The following ABCB11 variants were observed in gnomAD, a reference collection of about 807,000 sequenced individuals.
ABCB11 encodes ATP binding cassette subfamily B member 11, also known as bile salt export pump.
ABCB11 carries 95 observed loss-of-function variants against 148.0 expected under a neutral mutation model. The ratio of observed to expected loss-of-function variants is 0.64; its 90% CI spans 0.54 to 0.76. The LOEUF is 0.76. ABCB11 is among the 30% of genes least tolerant of loss of function. The pLI, the probability that ABCB11 is intolerant of heterozygous loss-of-function variation, is 0.00. For missense variants in ABCB11, 1,523 were observed against 1,617.8 expected (o/e 0.94, Z 1.01); for synonymous variants, 591 against 555.4 (o/e 1.06, Z -0.90).
rs1020391662 is a variant in ABCB11 at position 168,954,786 on chromosome 2, G to A, written c.2343+3178C>T. On this transcript the variant is annotated intron_variant, in intron 19 of 27. Coordinates refer to ENST00000650372, the MANE Select transcript of ABCB11 (RefSeq NM_003742.4). Reference sequence around the variant, plus strand: ...CTAACAGTCTTGACAGACTTGGGAGGTTGTTATTGATGATTTTTTAAAATA... The same window carrying A: ...CTAACAGTCTTGACAGACTTGGGAGATTGTTATTGATGATTTTTTAAAATA... Among the ~76,000 whole-genome samples the A allele has an allele frequency of 7.3e-5, 11 of 151,630 alleles. 1 individual carries two copies. Among genetic ancestry groups the A allele is most frequent in the Admixed American group, 7.2e-4 (11 of 15,204 alleles).
downstream of ABCB11, among the ~76,000 whole-genome samples, chr2:168,919,848 G>T (rs781058601): frequency 6.6e-6 from 1 of 151,330 alleles, no homozygotes; most frequent in Non-Finnish European, 1.5e-5. Flanking sequence ...GTGTGTGTGT[G>T]TGTTTTGTTT....
At chr2:168,984,496 C>T (rs546627314) in intron 10 of ABCB11, among the ~76,000 whole-genome samples, 23 of 152,238 alleles carry the variant, frequency 1.5e-4, no homozygotes, top group African/African-American at 5.5e-4. Context: ...CACAAGTGAG[C>T]AATAAAGTAC....
At chr2:168,930,328 G>C (rs1314844036) in intron 25 of ABCB11, among the ~76,000 whole-genome samples, 11 of 151,976 alleles carry the variant, frequency 7.2e-5, no homozygotes, top group Admixed American at 7.2e-4. Context: ...TTCCATTCCT[G>C]GTCATTAGTT....
Position 168,987,580 on chromosome 2 carries a change from C to G in ABCB11, c.909-1296G>C, listed in dbSNP as rs139817787. On this transcript the variant is annotated intron_variant, in intron 9 of 27. Transcript: ENST00000650372. ...AAGTAGCTGGGACTACAGGTGTACA[C>G]CACCATGTCTGGTTAATTTCTGTAT... 9.7e-3 allele frequency among the ~76,000 whole-genome samples: 1,478 copies of G among 152,210 alleles called. 26 individuals are homozygous for G. Among genetic ancestry groups the G allele is most frequent in the African/African-American group, 0.031 (1,308 of 41,544 alleles).
intron 27 of ABCB11, 117 bp from the exon 28 acceptor site, chr2:168,923,939 A>C: frequency 1.1e-6 from 1 of 889,922 alleles, no homozygotes; most frequent in Non-Finnish European, 1.8e-6. Context: ...GGCAAACCCA[A>C]AGGCTCAACA....
chr2:169,006,223 G>A (rs1397484667), intron 5 of ABCB11, among the ~76,000 whole-genome samples: 1 of 152,132 alleles, frequency 6.6e-6, no homozygotes, highest in Non-Finnish European at 1.5e-5. Context: ...TATTCCAGGA[G>A]TGCAAAGGTA....
chr2:168,923,748 G>A lies in ABCB11; in HGVS notation c.3840C>T (p.Ile1280=). 6.2e-7 allele frequency: 1 copy of A among 1,613,808 alleles called. No individual in the cohort carries two copies. Among genetic ancestry groups the A allele is most frequent in the Non-Finnish European group, 8.5e-7 (1 of 1,179,864 alleles). The change falls in exon 28 of 28, where the codon ATC becomes ATT. Residue 1280 remains isoleucine, a synonymous_variant. Transcript: ENST00000650372. ...TGACAGCAATGATATCCGCGTTCTG[G>A]ATGGTGGACAAGCGATGGGCAATGA... ...CIVIAHRLST[I]QNADIIAVMA...
Position 168,922,362 on chromosome 2 carries a change from T to A in ABCB11, c.*1260A>T, listed in dbSNP as rs1396296615. Among the ~76,000 whole-genome samples, 1 of 152,214 alleles carries A rather than the reference T, an allele frequency of 6.6e-6. No homozygotes were observed. The highest frequency in any genetic ancestry group is 1.9e-4 in the East Asian group (1 of 5,182). ...AGAGAGGGAGTATGCAGTTTCTCGC[T>A]GGAACTGGGGAAAGGCAGCCATCCT... On this transcript the variant is annotated 3_prime_UTR_variant, in exon 28 of 28. Coordinates refer to ENST00000650372, the MANE Select transcript of ABCB11 (RefSeq NM_003742.4).
chr2:168,986,110 C>T lies in ABCB11; in HGVS notation c.1083G>A (p.Gln361=). Residue 361 remains glutamine, a splice_region_variant and synonymous_variant, in exon 10 of 28, where the codon CAG becomes CAA. Coordinates refer to ENST00000650372, the MANE Select transcript of ABCB11 (RefSeq NM_003742.4). ...EGEYTPGTLV[Q]IFLSVIVGAL... ...GTCTCGGTCAATAAGTCCAAGGTAC[C>T]TGGACAAGGGTTCCTGGTGTATATT... 6.3e-7 allele frequency: 1 copy of T among 1,596,700 alleles called. No homozygotes were observed. The highest frequency in any genetic ancestry group is 8.5e-7 in the Non-Finnish European group (1 of 1,170,732).
chr2:168,984,623 G>A (rs549474497), intron 10 of ABCB11, among the ~76,000 whole-genome samples: 10 of 152,104 alleles, frequency 6.6e-5, no homozygotes, highest in African/African-American at 2.2e-4. Flanking sequence ...TCAGTTATAC[G>A]AGCTGTTAAT....
chr2:169,023,702 T>C (rs1695604098), intron 1 of ABCB11, among the ~76,000 whole-genome samples: 1 of 152,216 alleles, frequency 6.6e-6, no homozygotes, highest in Non-Finnish European at 1.5e-5. Flanking sequence ...TGCAAATCAC[T>C]ATTTGTAATG....
chr2:168,925,650 T>C (rs983573613), intron 26 of ABCB11, among the ~76,000 whole-genome samples: 6 of 152,228 alleles, frequency 3.9e-5, no homozygotes, highest in African/African-American at 9.6e-5. Context: ...AGTCCTTGCC[T>C]TGACTACTTC....
chr2:168,945,795 T>G (rs1041919824), intron 19 of ABCB11, among the ~76,000 whole-genome samples: 2 of 151,868 alleles, frequency 1.3e-5, no homozygotes, highest in Non-Finnish European at 2.9e-5. Context: ...CTCAGGTAAT[T>G]TGCCGGTTAA....
At chr2:169,000,219 A>C (rs61504845) in intron 5 of ABCB11, among the ~76,000 whole-genome samples, 10,138 of 151,852 alleles carry the variant, frequency 0.067, 369 homozygotes, top group African/African-American at 0.079. Context: ...CCTTTTTTGG[A>C]TATACAAGTT....
At chr2:168,968,388 T>A (rs776750725) in intron 17 of ABCB11, 39 bp downstream of exon 17, 1 of 1,589,032 alleles carries the variant, frequency 6.3e-7, no homozygotes, top group South Asian at 1.1e-5. Context: ...CCTCAGAATA[T>A]TTGGAAAGCT....
At chr2:168,953,187 G>A (rs1692643337) in intron 19 of ABCB11, among the ~76,000 whole-genome samples, 1 of 151,626 alleles carries the variant, frequency 6.6e-6, no homozygotes, top group South Asian at 2.1e-4. Flanking sequence ...TTCTGTAGTT[G>A]TTGGGTAGAA....
chr2:168,920,746 C>T (rs1691049044), downstream of ABCB11, among the ~76,000 whole-genome samples: 1 of 152,142 alleles, frequency 6.6e-6, no homozygotes, highest in African/African-American at 2.4e-5. Flanking sequence ...ATAAAGGATA[C>T]AGAATAAAAA....
intron 19 of ABCB11, among the ~76,000 whole-genome samples, chr2:168,952,760 G>C (rs1233977141): frequency 6.9e-6 from 1 of 145,840 alleles, no homozygotes; most frequent in African/African-American, 2.5e-5. Flanking sequence ...CTTTGGGTTT[G>C]GTTTGTTCTT....
chr2:168,916,267 A>G (rs1004459750), downstream of ABCB11, among the ~76,000 whole-genome samples: 1 of 152,174 alleles, frequency 6.6e-6, no homozygotes, highest in Admixed American at 6.5e-5. Context: ...CTCTTCTGCT[A>G]TCTCCAGCTC....
Sources: allele counts gnomAD v4.1 joint callset (sites outside exome capture counted in the v4.1 genomes callset), GRCh38; gene constraint gnomAD v4.1.1; transcripts MANE v1.5; gene names NCBI Gene and HGNC (gene_info 2026-07-23, HGNC 2026-07-21).